Variants in GATAD2B observed in about 807,000 individuals in gnomAD.
The protein encoded by GATAD2B is transcriptional repressor p66-beta.
Under a neutral mutation model 64.3 loss-of-function variants are expected in GATAD2B, and 8 were observed. The ratio of observed to expected loss-of-function variants is 0.12; its 90% CI spans 0.07 to 0.22. GATAD2B has a LOEUF of 0.22. Ranked by LOEUF, GATAD2B falls within the 10% of genes least tolerant of loss-of-function variation. The probability of loss-of-function intolerance (pLI) is 1.00; values close to 1 mark genes in which losing one functional copy is unlikely to be tolerated. For missense variants in GATAD2B, 453 were observed against 752.0 expected (o/e 0.60, Z 4.65); for synonymous variants, 281 against 271.3 (o/e 1.04, Z -0.35).
intron 1 of GATAD2B, among the ~76,000 whole-genome samples, chr1:153,874,888 T>G (rs1276134242): frequency 1.3e-5 from 2 of 151,440 alleles, no homozygotes; most frequent in Admixed American, 1.3e-4. Flanking sequence ...ATTTATTTAT[T>G]TTTGAAACAG....
intron 2 of GATAD2B, among the ~76,000 whole-genome samples, chr1:153,821,687 C>A (rs1205265054): frequency 6.6e-6 from 1 of 151,952 alleles, no homozygotes; most frequent in Non-Finnish European, 1.5e-5. Flanking sequence ...CTGCCTCAGC[C>A]TCAGTAGCTG....
chr1:153,848,719 C>T (rs902363085), intron 1 of GATAD2B, among the ~76,000 whole-genome samples: 2 of 152,010 alleles, frequency 1.3e-5, no homozygotes, highest in Admixed American at 6.6e-5. Context: ...TTTGGGAGGC[C>T]GAGGCGGGTG....
At chr1:153,840,737 TTA>T (rs1675456170) in intron 1 of GATAD2B, among the ~76,000 whole-genome samples, 1 of 152,216 alleles carries the variant, frequency 6.6e-6, no homozygotes. Context: ...ATTTTCATTT[TTA>T]TGTTTCCACT....
At chr1:153,907,009 G>A (rs557862343) in intron 1 of GATAD2B, among the ~76,000 whole-genome samples, 2 of 152,278 alleles carry the variant, frequency 1.3e-5, no homozygotes, top group South Asian at 4.1e-4. Flanking sequence ...AACAAGTGTT[G>A]GCAGGGACGT....
chr1:153,847,869 G>A (rs973691651), intron 1 of GATAD2B, among the ~76,000 whole-genome samples: 1 of 151,938 alleles, frequency 6.6e-6, no homozygotes, highest in Non-Finnish European at 1.5e-5. Flanking sequence ...AACTGTGTTG[G>A]ATATACTGTT....
intron 1 of GATAD2B, chr1:153,853,186 T>G (rs1675966613): frequency 8.1e-7 from 1 of 1,233,168 alleles, no homozygotes; most frequent in Non-Finnish European, 1.2e-6. Flanking sequence ...GCAACTGCAA[T>G]TTGCAGCTCT....
At chr1:153,853,232 GC>G in intron 1 of GATAD2B, 1 of 1,094,828 alleles carries the variant, frequency 9.1e-7, no homozygotes, top group Non-Finnish European at 1.4e-6. Context: ...ACTGGTCATG[GC>G]CACCGAGGTG....
At chr1:153,913,184 T>G (rs1678159368) in intron 1 of GATAD2B, among the ~76,000 whole-genome samples, 1 of 151,740 alleles carries the variant, frequency 6.6e-6, no homozygotes, top group African/African-American at 2.4e-5. Flanking sequence ...CGCCTCAGCC[T>G]CCCAAAGTGC....
At chr1:153,891,750 T>C (rs1677412471) in intron 1 of GATAD2B, among the ~76,000 whole-genome samples, 1 of 151,820 alleles carries the variant, frequency 6.6e-6, no homozygotes, top group Admixed American at 6.6e-5. Context: ...CTTTTTCCAA[T>C]TGTAAATTCT....
At chr1:153,818,277 T>A in intron 4 of GATAD2B, 106 bp from the exon 5 acceptor site, 8 of 872,944 alleles carry the variant, frequency 9.2e-6, no homozygotes, top group Non-Finnish European at 1.2e-5. Flanking sequence ...TTCTTGTCAA[T>A]CAGGAGGAAA....
Position 153,809,420 on chromosome 1 carries a change from TGGGTAAA to T in GATAD2B, c.*750_*756del, listed in dbSNP as rs201404614. ...CATACCTCTTTCTTCCCGTCTTCTA[TGGGTAAA>T]TTCCAGAGTGGTTGAGTTTTAAGCT... On this transcript the variant is annotated 3_prime_UTR_variant, in exon 11 of 11. Coordinates refer to ENST00000368655, the MANE Select transcript of GATAD2B (RefSeq NM_020699.4). The T allele has an allele frequency of 0.016, 2,395 of 152,640 alleles. 23 individuals carry two copies. Among genetic ancestry groups the T allele is most frequent in the Non-Finnish European group, 0.023 (1,587 of 68,028 alleles). 9.5% of individuals were successfully genotyped at this position (152,640 alleles called of 1,614,324 possible). A position where few individuals can be genotyped will look rare whatever the true frequency, so the allele number is the denominator to read the frequency against.
chr1:153,812,364 T>C (rs1674321321), intron 8 of GATAD2B: 3 of 488,006 alleles, frequency 6.1e-6, no homozygotes. Flanking sequence ...CCTGGAGGTG[T>C]TCTTACCTCT....
intron 10 of GATAD2B, among the ~76,000 whole-genome samples, chr1:153,810,781 T>C (rs1674266875): frequency 6.6e-6 from 1 of 150,860 alleles, no homozygotes; most frequent in African/African-American, 2.4e-5. Context: ...CTTATTTATC[T>C]GAGACAGAAT....
intron 1 of GATAD2B, among the ~76,000 whole-genome samples, chr1:153,848,614 C>T (rs1675771254): frequency 1.3e-5 from 2 of 152,098 alleles, no homozygotes; most frequent in Admixed American, 6.5e-5. Flanking sequence ...CATTCTCCTC[C>T]GAAACTCTCT....
At chr1:153,879,822 T>G (rs910118715) in intron 1 of GATAD2B, among the ~76,000 whole-genome samples, 3 of 147,602 alleles carry the variant, frequency 2.0e-5, no homozygotes, top group African/African-American at 7.5e-5. Flanking sequence ...AATTTCTAAA[T>G]GAATGCTGAT....
chr1:153,897,937 G>A (rs1677647283), intron 1 of GATAD2B, among the ~76,000 whole-genome samples: 1 of 150,172 alleles, frequency 6.7e-6, no homozygotes, highest in East Asian at 1.9e-4. Flanking sequence ...CTTGAAGCTA[G>A]GAGTTCTAGA....
chr1:153,845,781 T>A (rs1417729649), intron 1 of GATAD2B, among the ~76,000 whole-genome samples: 1 of 151,628 alleles, frequency 6.6e-6, no homozygotes, highest in Middle Eastern at 3.4e-3. Context: ...AATAAATAAA[T>A]AAAAATTACC....
intron 1 of GATAD2B, among the ~76,000 whole-genome samples, chr1:153,878,272 T>C (rs1401306531): frequency 2.0e-5 from 3 of 150,782 alleles, no homozygotes; most frequent in African/African-American, 7.3e-5. Context: ...GCCTCCCGAG[T>C]AGCTAGGACC....
intron 1 of GATAD2B, among the ~76,000 whole-genome samples, chr1:153,914,227 C>CAAAAAAAAA (rs759245034): frequency 4.5e-5 from 3 of 65,948 alleles, no homozygotes; most frequent in Admixed American, 1.9e-4. Flanking sequence ...CCCAGACTCT[C>CAAAAAAAAA]AAAAAAAAAA....
Sources: gnomAD v4.1 joint callset for allele counts (sites outside exome capture counted in the v4.1 genomes callset) on GRCh38, gnomAD v4.1.1 for gene constraint, MANE v1.5 for transcripts, NCBI Gene and HGNC (gene_info 2026-07-23, HGNC 2026-07-21) for gene names.